The following UBA52 variants were observed in gnomAD, a reference collection of about 807,000 sequenced individuals.
UBA52 encodes ubiquitin-ribosomal protein eL40 fusion protein.
UBA52 carries 1 observed loss-of-function variant against 15.3 expected under a neutral mutation model. The ratio of observed to expected loss-of-function variants is 0.07; its 90% CI spans 0.02 to 0.31. The LOEUF (loss-of-function observed/expected upper bound fraction) is 0.31. UBA52 is among the 10% of genes least tolerant of loss of function. UBA52 has a pLI of 1.00. For synonymous variants in UBA52, 50 were observed against 58.3 expected, an observed-to-expected ratio of 0.86 and a Z score of 0.65; for missense variants, 87 against 168.0, an observed-to-expected ratio of 0.52 and a Z score of 2.66.
Position 18,575,717 on chromosome 19 carries a change from C to T in UBA52, c.*567C>T. 1 of 161,322 alleles carries T rather than the reference C, an allele frequency of 6.2e-6. No homozygotes were observed. The highest frequency in any genetic ancestry group is 1.3e-5 in the Non-Finnish European group (1 of 74,116). 10.0% of individuals were successfully genotyped at this position (161,322 alleles called of 1,614,324 possible). ...GGGATTACAAGCAAGAACTGCCATGCCTGACCCAGTTCTCAGTTTTTTGTT... is the reference window on the plus strand; with the variant it reads ...GGGATTACAAGCAAGAACTGCCATGTCTGACCCAGTTCTCAGTTTTTTGTT... On this transcript the variant is annotated 3_prime_UTR_variant, in exon 5 of 5. Transcript: ENST00000442744.
chr19:18,573,137 C>A, intron 1 of UBA52, 156 bp from the exon 2 acceptor site: 2 of 1,123,498 alleles, frequency 1.8e-6, no homozygotes, highest in Non-Finnish European at 2.5e-6. Flanking sequence ...CCTAGCAGGG[C>A]CAGGCTTGGA....
chr19:18,568,750 CT>C, upstream of UBA52: 2 of 722,324 alleles, frequency 2.8e-6, no homozygotes, highest in Non-Finnish European at 4.5e-6. Context: ...TCACCCAGGG[CT>C]CCTAGGGGGA....
chr19:18,573,111 C>G (rs1975588071), intron 1 of UBA52, 182 bp from the exon 2 acceptor site: 1 of 1,187,280 alleles, frequency 8.4e-7, no homozygotes, highest in Non-Finnish European at 1.2e-6. Flanking sequence ...GACTACAGGC[C>G]AGGGTGTGTG....
At chr19:18,563,902 T>A in the UBA52 span, among the ~76,000 whole-genome samples, 1 of 151,918 alleles carries the variant, frequency 6.6e-6, no homozygotes, top group East Asian at 1.9e-4. Flanking sequence ...TCTCCTTTTT[T>A]TTGAGACATA....
chr19:18,567,294 G>C (rs1293066708), upstream of UBA52: 1 of 1,092,638 alleles, frequency 9.2e-7, no homozygotes, highest in Admixed American at 2.0e-5. Context: ...TGGGCAGTGG[G>C]TCTGGGGAAA....
chr19:18,572,653 C>T (rs963415314), intron 1 of UBA52: 2 of 367,918 alleles, frequency 5.4e-6, no homozygotes, highest in Admixed American at 6.4e-5. Flanking sequence ...TTTAAGTCAA[C>T]TTTTATATGT....
chr19:18,569,612 G>C (rs1975414217), upstream of UBA52, among the ~76,000 whole-genome samples: 1 of 151,668 alleles, frequency 6.6e-6, no homozygotes, highest in Non-Finnish European at 1.5e-5. Flanking sequence ...CACAATACTA[G>C]TGTTCCCATC....
Position 18,576,718 on chromosome 19 carries a change from G to C in UBA52, c.*1568G>C, listed in dbSNP as rs967680715. 1 of 150,828 alleles carries C rather than the reference G, an allele frequency of 6.6e-6. No individual in the cohort carries two copies. The highest frequency in any genetic ancestry group is 2.4e-5 in the African/African-American group (1 of 40,900). 9.3% of individuals were successfully genotyped at this position (150,828 alleles called of 1,614,324 possible). A position where few individuals can be genotyped will look rare whatever the true frequency, so the allele number is the denominator to read the frequency against. On this transcript the variant is annotated 3_prime_UTR_variant, in exon 5 of 5. Transcript: ENST00000442744. The stretch of plus-strand genomic sequence containing the variant: ...CTCCCATCGTGCAGGCTGGAGTGCG[G>C]TGGCGCAGTCTCGGCTCACTGCAGC...
intron 1 of UBA52, chr19:18,572,902 C>G (rs41292111): frequency 1.8e-6 from 2 of 1,083,782 alleles, no homozygotes; most frequent in African/African-American, 1.6e-5. Context: ...ACCTGGCTGC[C>G]GTGGAAGAGG....
chr19:18,568,502 T>TG, upstream of UBA52: 1 of 1,614,120 alleles, frequency 6.2e-7, no homozygotes. Context: ...CGGGCTCATG[T>TG]GACACCAGCC....
At chr19:18,565,887 C>T in the UBA52 span, among the ~76,000 whole-genome samples, 6 of 152,234 alleles carry the variant, frequency 3.9e-5, no homozygotes, top group South Asian at 2.1e-4. Context: ...GAGATTTCAC[C>T]GTGTTGCCCA....
rs1975820454 is a variant in UBA52, at chr19:18,577,119, T to A, written c.*1969T>A. ...GGCACCTTGCTGGCCCCTGTTTTGATTAGGGTGCAGTGCTGGTGAAGCCGG... is the reference window on the plus strand; with the variant it reads ...GGCACCTTGCTGGCCCCTGTTTTGAATAGGGTGCAGTGCTGGTGAAGCCGG... On this transcript the variant is annotated 3_prime_UTR_variant, in exon 5 of 5. Coordinates refer to ENST00000442744, the MANE Select transcript of UBA52 (RefSeq NM_001033930.3). 1 of 151,940 alleles carries A rather than the reference T, an allele frequency of 6.6e-6. No homozygotes were observed. The highest frequency in any genetic ancestry group is 1.5e-5 in the Non-Finnish European group (1 of 68,030). 9.4% of individuals were successfully genotyped at this position (151,940 alleles called of 1,614,324 possible).
At chr19:18,568,188 A>C (rs556196804), upstream of UBA52, among the ~76,000 whole-genome samples, 1 of 148,964 alleles carries the variant, frequency 6.7e-6, no homozygotes, top group Non-Finnish European at 1.5e-5. Flanking sequence ...AATCGCTTGA[A>C]CCCGGGAGAC....
chr19:18,573,504 T>C, intron 2 of UBA52, 101 bp downstream of exon 2: 1 of 1,315,640 alleles, frequency 7.6e-7, no homozygotes, highest in South Asian at 1.2e-5. Flanking sequence ...TTTAGATCTG[T>C]TTTGCCCTTG....
At chr19:18,574,340 C>G (rs1186012102) in intron 3 of UBA52, among the ~76,000 whole-genome samples, 1 of 151,920 alleles carries the variant, frequency 6.6e-6, no homozygotes, top group South Asian at 2.1e-4. Flanking sequence ...GTCACCCAGG[C>G]TGGAGTGCAG....
At chr19:18,572,669 A>G (rs1242456849) in intron 1 of UBA52, 4 of 440,134 alleles carry the variant, frequency 9.1e-6, no homozygotes, top group East Asian at 1.6e-4. Context: ...TATGTGAACA[A>G]TGCTTGGCAG....
At chr19:18,566,627 C>T in the UBA52 span, among the ~76,000 whole-genome samples, 3 of 151,448 alleles carry the variant, frequency 2.0e-5, no homozygotes, top group South Asian at 6.2e-4. Context: ...CCCGTCTCTA[C>T]TAAAAATACA....
the UBA52 span, among the ~76,000 whole-genome samples, chr19:18,566,353 A>G: frequency 6.6e-6 from 1 of 150,996 alleles, no homozygotes; most frequent in Non-Finnish European, 1.5e-5. Flanking sequence ...CTGTATTGCC[A>G]GCTACTCGGG....
upstream of UBA52, among the ~76,000 whole-genome samples, chr19:18,568,191 C>T (rs1424413022): frequency 1.3e-5 from 2 of 150,006 alleles, no homozygotes; most frequent in African/African-American, 2.5e-5. Flanking sequence ...CGCTTGAACC[C>T]GGGAGACGGA....
Sources: gnomAD v4.1 joint callset for allele counts (sites outside exome capture counted in the v4.1 genomes callset) on GRCh38, gnomAD v4.1.1 for gene constraint, MANE v1.5 for transcripts, NCBI Gene and HGNC (gene_info 2026-07-23, HGNC 2026-07-21) for gene names.